Variants in ELMO1 observed in about 807,000 individuals in gnomAD.
ELMO1 encodes the protein engulfment and cell motility protein 1.
In ELMO1, 26 loss-of-function variants were observed where a neutral mutation model predicts 98.9. The observed-to-expected ratio is 0.26, with a 90% CI of 0.19 to 0.36. ELMO1 has a LOEUF of 0.36. ELMO1 is among the 10% of genes least tolerant of loss of function. ELMO1 has a pLI of 1.00. For synonymous variants in ELMO1, 346 were observed against 346.0 expected (o/e 1.00, Z 0.00); for missense variants, 627 against 935.2 (o/e 0.67, Z 4.30).
chr7:36,897,054 G>T (rs1197381045), intron 16 of ELMO1, among the ~76,000 whole-genome samples: 3 of 152,202 alleles, frequency 2.0e-5, no homozygotes, highest in Non-Finnish European at 4.4e-5. Flanking sequence ...TGAAGAAGAT[G>T]ATTCCCTCAT....
At chr7:36,944,054 A>G (rs1186030743) in intron 16 of ELMO1, among the ~76,000 whole-genome samples, 1 of 152,226 alleles carries the variant, frequency 6.6e-6, no homozygotes, top group South Asian at 2.1e-4. Flanking sequence ...TCTCTGCTCA[A>G]TGCCACCTGG....
intron 16 of ELMO1, among the ~76,000 whole-genome samples, chr7:36,897,336 G>GTGTGTGTGTGTGTA (rs1554351191): frequency 9.4e-5 from 14 of 148,328 alleles, no homozygotes; most frequent in African/African-American, 3.0e-4. Flanking sequence ...GTGTGTGTGT[G>GTGTGTGTGTGTGTA]TGTGTGTGTG....
At position 37,040,941 on chromosome 7, in the gene ELMO1, G is replaced by A. The variant is rs554429061; in HGVS notation, c.1301-27506C>T. Among the ~76,000 whole-genome samples, 198 of 152,222 alleles carry A rather than the reference G, an allele frequency of 1.3e-3. 2 individuals carry two copies. Among genetic ancestry groups the A allele is most frequent in the African/African-American group, 3.9e-3 (160 of 41,536 alleles). ...AAAATACAAAAAAAATCAGCTGGGCGTGGTGGCACATGCCTGTAATTCCAG... is the reference window on the plus strand; with the variant it reads ...AAAATACAAAAAAAATCAGCTGGGCATGGTGGCACATGCCTGTAATTCCAG... On this transcript the variant is annotated intron_variant, in intron 15 of 21. Coordinates refer to ENST00000310758, the MANE Select transcript of ELMO1 (RefSeq NM_014800.11).
intron 16 of ELMO1, among the ~76,000 whole-genome samples, chr7:36,914,376 T>C (rs1367388757): frequency 6.6e-6 from 1 of 152,230 alleles, no homozygotes; most frequent in Non-Finnish European, 1.5e-5. Flanking sequence ...TATTAGAAAG[T>C]TTAAGGCTTT....
intron 1 of ELMO1, among the ~76,000 whole-genome samples, chr7:37,391,069 T>C (rs1583673547): frequency 1.4e-5 from 2 of 143,746 alleles, no homozygotes; most frequent in East Asian, 2.3e-4. Flanking sequence ...CCTCCCTCCC[T>C]CCCTCTCTCC....
At chr7:37,264,259 A>G (rs1165240696) in intron 5 of ELMO1, among the ~76,000 whole-genome samples, 3 of 152,160 alleles carry the variant, frequency 2.0e-5, no homozygotes, top group Admixed American at 6.6e-5. Flanking sequence ...ATTTCACTAA[A>G]TGAATGTACA....
intron 15 of ELMO1, among the ~76,000 whole-genome samples, chr7:37,015,244 T>G (rs1409133046): frequency 6.6e-6 from 1 of 152,000 alleles, no homozygotes; most frequent in Non-Finnish European, 1.5e-5. Context: ...TGGGTTCAAG[T>G]GCAGCCCAGG....
chr7:37,272,836 G>GCCATTAA (rs1181261366), intron 4 of ELMO1, among the ~76,000 whole-genome samples: 1 of 152,218 alleles, frequency 6.6e-6, no homozygotes, highest in Non-Finnish European at 1.5e-5. Flanking sequence ...AATAGAATCA[G>GCCATTAA]CCATTAGGAT....
intron 14 of ELMO1, among the ~76,000 whole-genome samples, chr7:37,115,466 C>T (rs1291839652): frequency 6.6e-6 from 1 of 151,984 alleles, no homozygotes; most frequent in Non-Finnish European, 1.5e-5. Flanking sequence ...TAATGTAAAC[C>T]ATTGTATCAA....
intron 1 of ELMO1, among the ~76,000 whole-genome samples, chr7:37,438,142 T>C (rs536497914): frequency 8.5e-4 from 130 of 152,296 alleles, no homozygotes; most frequent in South Asian, 6.0e-3. Context: ...CCACCTTTCC[T>C]CTTGTTTTCT....
chr7:37,121,941 C>G (rs930061790), intron 14 of ELMO1, among the ~76,000 whole-genome samples: 13 of 152,174 alleles, frequency 8.5e-5, no homozygotes, highest in Non-Finnish European at 1.5e-4. Flanking sequence ...GATCTCTCGG[C>G]AGAAACTCTA....
At chr7:37,371,283 G>A (rs1185235721) in intron 1 of ELMO1, among the ~76,000 whole-genome samples, 1 of 152,170 alleles carries the variant, frequency 6.6e-6, no homozygotes, top group Non-Finnish European at 1.5e-5. Flanking sequence ...CTTGAGTTAG[G>A]GAAGAGAATG....
At chr7:36,974,522 C>CT (rs1218436107) in intron 16 of ELMO1, among the ~76,000 whole-genome samples, 1 of 152,174 alleles carries the variant, frequency 6.6e-6, no homozygotes, top group Non-Finnish European at 1.5e-5. Flanking sequence ...TGTCCACACT[C>CT]TGTATCTAGC....
chr7:37,187,617 T>C (rs1473819849), intron 13 of ELMO1, among the ~76,000 whole-genome samples: 1 of 152,220 alleles, frequency 6.6e-6, no homozygotes, highest in African/African-American at 2.4e-5. Flanking sequence ...GATATTACTA[T>C]AACCAGTTTT....
At chr7:36,998,377 T>G (rs1333990484) in intron 16 of ELMO1, among the ~76,000 whole-genome samples, 1 of 152,176 alleles carries the variant, frequency 6.6e-6, no homozygotes, top group Non-Finnish European at 1.5e-5. Context: ...GTCGTATTTC[T>G]TCTCTTGAGC....
At chr7:36,983,779 T>C (rs956927467) in intron 16 of ELMO1, among the ~76,000 whole-genome samples, 7 of 152,172 alleles carry the variant, frequency 4.6e-5, no homozygotes, top group African/African-American at 9.7e-5. Context: ...CTTCAGGGTA[T>C]GATACGTTCT....
intron 16 of ELMO1, among the ~76,000 whole-genome samples, chr7:36,931,708 C>T (rs1195370030): frequency 6.6e-6 from 1 of 152,216 alleles, no homozygotes. Context: ...CCCAGTGGCA[C>T]ACCCAGCACA....
At chr7:36,881,255 G>A (rs1399018786) in intron 18 of ELMO1, among the ~76,000 whole-genome samples, 3 of 152,184 alleles carry the variant, frequency 2.0e-5, no homozygotes, top group East Asian at 1.9e-4. Flanking sequence ...AGGCTTAGAC[G>A]TTGTGTATTT....
chr7:37,116,754 C>T (rs909971846), intron 14 of ELMO1: 5 of 152,158 alleles, frequency 3.3e-5, no homozygotes, highest in African/African-American at 1.2e-4. Context: ...AAGTCTGAAA[C>T]CTCTTTCACC....
Sources: allele counts gnomAD v4.1 joint callset (sites outside exome capture counted in the v4.1 genomes callset), GRCh38; gene constraint gnomAD v4.1.1; transcripts MANE v1.5; gene names NCBI Gene and HGNC (gene_info 2026-07-23, HGNC 2026-07-21).